PMFBP1: variants seen among roughly 807,000 people sequenced by gnomAD.
The protein encoded by PMFBP1 is polyamine modulated factor 1 binding protein 1.
In PMFBP1, 131 loss-of-function variants were observed where a neutral mutation model predicts 137.8. That is an observed-to-expected ratio of 0.95 (90% CI 0.82 to 1.10). PMFBP1 has a LOEUF of 1.10. Among genes scored for constraint, PMFBP1 ranks in the 50% least tolerant of loss-of-function variants. PMFBP1 has a pLI of 0.00. For missense variants in PMFBP1, 1,199 were observed against 1,175.4 expected (o/e 1.02, Z -0.29); for synonymous variants, 490 against 450.4 (o/e 1.09, Z -1.11).
upstream of PMFBP1, among the ~76,000 whole-genome samples, chr16:72,179,713 G>C (rs2043270035): frequency 6.6e-6 from 1 of 152,194 alleles, no homozygotes; most frequent in Non-Finnish European, 1.5e-5. Flanking sequence ...CTGCAGAATG[G>C]AGAGGAGGGA....
chr16:72,208,354 G>T, the PMFBP1 span, among the ~76,000 whole-genome samples: 53 of 83,454 alleles, frequency 6.4e-4, no homozygotes, highest in South Asian at 0.02. Context: ...AGAAAAATCT[G>T]AATGGGCAGC....
chr16:72,150,515 T>C, intron 5 of PMFBP1, 93 bp downstream of exon 5: 1 of 1,245,840 alleles, frequency 8.0e-7, no homozygotes, highest in Non-Finnish European at 1.2e-6. Context: ...GGTAAAGGTT[T>C]GGGTTTCCAG....
chr16:72,119,862 G>A lies in PMFBP1; in HGVS notation c.2996C>T (p.Pro999Leu), dbSNP rs944980216. Residue 999 changes from proline (P) to leucine (L), a missense_variant, in exon 20 of 21, where the codon CCC (proline) becomes CTC (leucine). Transcript: ENST00000237353. ...AATGGCAGACGTACCCGGGCAGTGG[G>A]GCATCCCGATGTACTTGGTGAGGTC... ...RMDLTKYIGM[P>L]HCPGSSYC 2 of 1,613,876 alleles carry A rather than the reference G, an allele frequency of 1.2e-6. No homozygotes were observed. The highest frequency in any genetic ancestry group is 1.7e-6 in the Non-Finnish European group (2 of 1,179,984).
At chr16:72,146,780 A>G (rs970348736) in intron 5 of PMFBP1, among the ~76,000 whole-genome samples, 1 of 152,168 alleles carries the variant, frequency 6.6e-6, no homozygotes, top group South Asian at 2.1e-4. Flanking sequence ...CACAATTGCT[A>G]TAAAGAGAAT....
At chr16:72,137,861 C>A (rs1312835787) in intron 7 of PMFBP1, among the ~76,000 whole-genome samples, 1 of 152,024 alleles carries the variant, frequency 6.6e-6, no homozygotes, top group African/African-American at 2.4e-5. Flanking sequence ...CAGCAGGAAG[C>A]CAGGAGGTGA....
Position 72,119,930 on chromosome 16 carries a change from G to C in PMFBP1, c.2928C>G (p.Thr976=). Residue 976 remains threonine (T), a synonymous_variant, in exon 20 of 21, where the codon ACC becomes ACG. Coordinates refer to ENST00000237353, the MANE Select transcript of PMFBP1 (RefSeq NM_031293.3). ...ESTQREKVCG[T]LGWKGLPQDM... The stretch of plus-strand genomic sequence containing the variant: ...CCTGGGGCAACCCCTTCCAGCCCAA[G>C]GTGCCGCACACTTTCTCCCTCTGTG... The C allele has an allele frequency of 6.2e-7, 1 of 1,614,204 alleles. No homozygotes were observed. The highest frequency in any genetic ancestry group is 8.5e-7 in the Non-Finnish European group (1 of 1,180,036).
chr16:72,152,984 G>T (rs946659328), intron 4 of PMFBP1, among the ~76,000 whole-genome samples: 2 of 152,058 alleles, frequency 1.3e-5, no homozygotes, highest in Non-Finnish European at 2.9e-5. Flanking sequence ...ACACACAGTT[G>T]CCATAACAGC....
At chr16:72,233,794 A>G in the PMFBP1 span, among the ~76,000 whole-genome samples, 20 of 152,098 alleles carry the variant, frequency 1.3e-4, no homozygotes, top group African/African-American at 4.8e-4. Context: ...CTCCATGGAT[A>G]TGCCTATGCT....
chr16:72,235,792 T>C, the PMFBP1 span, among the ~76,000 whole-genome samples: 1 of 152,190 alleles, frequency 6.6e-6, no homozygotes, highest in Non-Finnish European at 1.5e-5. Context: ...TTGGATTGTT[T>C]ATTGCTACTG....
the PMFBP1 span, among the ~76,000 whole-genome samples, chr16:72,244,696 A>G: frequency 1.3e-5 from 2 of 152,350 alleles, no homozygotes; most frequent in African/African-American, 4.8e-5. Context: ...TCCTACTGGT[A>G]TGGGGACCAA....
the PMFBP1 span, among the ~76,000 whole-genome samples, chr16:72,203,679 A>C: frequency 9.2e-5 from 14 of 152,130 alleles, no homozygotes; most frequent in Non-Finnish European, 2.1e-4. Flanking sequence ...CCTGATCACC[A>C]ACGAGGCAGC....
chr16:72,188,194 A>G, the PMFBP1 span, among the ~76,000 whole-genome samples: 2 of 152,384 alleles, frequency 1.3e-5, no homozygotes, highest in Non-Finnish European at 2.9e-5. Context: ...TTCAGAAACT[A>G]GTTGAAAGGA....
At chr16:72,177,564 C>T (rs548730213), upstream of PMFBP1, among the ~76,000 whole-genome samples, 63 of 152,266 alleles carry the variant, frequency 4.1e-4, no homozygotes, top group African/African-American at 1.5e-3. Context: ...AAAAATAGTA[C>T]ACAGAGTTCC....
At chr16:72,151,123 T>C (rs985165228) in intron 4 of PMFBP1, among the ~76,000 whole-genome samples, 13 of 152,242 alleles carry the variant, frequency 8.5e-5, no homozygotes, top group African/African-American at 3.1e-4. Flanking sequence ...AGTTGATTAA[T>C]AGGAATGAAT....
the PMFBP1 span, among the ~76,000 whole-genome samples, chr16:72,245,137 G>C: frequency 1.3e-5 from 2 of 152,118 alleles, no homozygotes; most frequent in African/African-American, 2.4e-5. Flanking sequence ...GTTAGCACTG[G>C]GGGGGATCTC....
chr16:72,188,790 G>A, the PMFBP1 span, among the ~76,000 whole-genome samples: 2 of 151,318 alleles, frequency 1.3e-5, no homozygotes, highest in South Asian at 4.2e-4. Flanking sequence ...TACTTCCCAA[G>A]GAAATTCTAT....
intron 5 of PMFBP1, among the ~76,000 whole-genome samples, chr16:72,146,499 G>A (rs990116894): frequency 2.0e-5 from 3 of 152,008 alleles, no homozygotes; most frequent in Non-Finnish European, 2.9e-5. Flanking sequence ...ACTCCTATTC[G>A]TGTAGTATTG....
At chr16:72,125,875 C>G (rs1252606841) in intron 15 of PMFBP1, 93 bp downstream of exon 15, 5 of 1,470,886 alleles carry the variant, frequency 3.4e-6, no homozygotes, top group South Asian at 1.3e-5. Flanking sequence ...CATTGACAGT[C>G]AATAGGCAGG....
chr16:72,247,126 G>A, the PMFBP1 span, among the ~76,000 whole-genome samples: 1 of 152,350 alleles, frequency 6.6e-6, no homozygotes. Context: ...CCATTTGCTA[G>A]CAGTAATTTA....
Sources: allele counts gnomAD v4.1 joint callset (sites outside exome capture counted in the v4.1 genomes callset), GRCh38; gene constraint gnomAD v4.1.1; transcripts MANE v1.5; gene names NCBI Gene and HGNC (gene_info 2026-07-23, HGNC 2026-07-21).